Variants in ANO1 observed in about 807,000 individuals in gnomAD.
The protein encoded by ANO1 is anoctamin 1.
A neutral mutation model predicts 124.0 loss-of-function variants in ANO1; 59 were observed. The ratio of observed to expected loss-of-function variants is 0.48; its 90% CI spans 0.39 to 0.59. The LOEUF (loss-of-function observed/expected upper bound fraction) is 0.59. Ranked by LOEUF, ANO1 falls within the 20% of genes least tolerant of loss-of-function variation. The probability of loss-of-function intolerance (pLI) is 0.00; values close to 1 mark genes in which losing one functional copy is unlikely to be tolerated. For synonymous variants in ANO1, 529 were observed against 532.0 expected (o/e 0.99, Z 0.08); for missense variants, 1,059 against 1,328.0 (o/e 0.80, Z 3.15).
chr11:69,991,097 T>G (rs1856145792), intron 1 of ANO1, among the ~76,000 whole-genome samples: 1 of 152,210 alleles, frequency 6.6e-6, no homozygotes, highest in Non-Finnish European at 1.5e-5. Context: ...ATGCTTTTAG[T>G]TTTTATATTT....
intron 2 of ANO1, among the ~76,000 whole-genome samples, chr11:70,098,812 G>A (rs1485910594): frequency 6.6e-6 from 1 of 152,180 alleles, no homozygotes; most frequent in Non-Finnish European, 1.5e-5. Flanking sequence ...GGGGGCTGTA[G>A]CGGGGACCCT....
chr11:70,027,074 A>C (rs60734644), intron 1 of ANO1, among the ~76,000 whole-genome samples: 50,455 of 151,820 alleles, frequency 0.33, 8,888 homozygotes, highest in Admixed American at 0.4. Flanking sequence ...ACAGCAACAC[A>C]CTCCACTGGA....
At chr11:70,108,437 T>C in intron 6 of ANO1, 33 bp downstream of exon 6, 1 of 1,605,694 alleles carries the variant, frequency 6.2e-7, no homozygotes, top group Non-Finnish European at 8.5e-7. Flanking sequence ...AGATCAGCAT[T>C]GGTTTCCAAG....
At chr11:70,110,755 G>A (rs2045744616) in intron 6 of ANO1, among the ~76,000 whole-genome samples, 1 of 152,182 alleles carries the variant, frequency 6.6e-6, no homozygotes, top group African/African-American at 2.4e-5. Context: ...GGGGTTCCAT[G>A]AGCAGCAAAG....
At chr11:70,084,113 A>T (rs1014623946) in intron 1 of ANO1, among the ~76,000 whole-genome samples, 1 of 151,878 alleles carries the variant, frequency 6.6e-6, no homozygotes, top group Non-Finnish European at 1.5e-5. Flanking sequence ...TGGGGAGGAG[A>T]TGAGGAGGAA....
intron 25 of ANO1, among the ~76,000 whole-genome samples, chr11:70,187,455 A>G (rs1465453349): frequency 3.9e-5 from 6 of 152,192 alleles, no homozygotes. Flanking sequence ...GTGATCCATC[A>G]GGTCACTTCC....
At chr11:70,036,676 C>T (rs1265865325) in intron 1 of ANO1, among the ~76,000 whole-genome samples, 7 of 152,158 alleles carry the variant, frequency 4.6e-5, no homozygotes, top group African/African-American at 1.7e-4. Context: ...AGCACGATCT[C>T]GGCTCACTGC....
chr11:70,123,275 A>G (rs1443571026), intron 8 of ANO1, among the ~76,000 whole-genome samples: 3 of 152,120 alleles, frequency 2.0e-5, no homozygotes, highest in Non-Finnish European at 4.4e-5. Context: ...CGGCCCCTCT[A>G]TGGATCTCAG....
intron 1 of ANO1, among the ~76,000 whole-genome samples, chr11:70,057,920 G>A (rs1227119552): frequency 1.3e-5 from 2 of 152,202 alleles, no homozygotes; most frequent in African/African-American, 2.4e-5. Flanking sequence ...GTGGAGAAGT[G>A]TTGGGGCAGC....
At chr11:70,136,968 C>T (rs1452017093) in intron 11 of ANO1, among the ~76,000 whole-genome samples, 2 of 146,936 alleles carry the variant, frequency 1.4e-5, no homozygotes, top group African/African-American at 4.9e-5. Flanking sequence ...AGGGGGTGAG[C>T]GCCCCGTGCT....
intron 1 of ANO1, among the ~76,000 whole-genome samples, chr11:70,003,409 C>CA (rs1454110254): frequency 6.6e-6 from 1 of 152,222 alleles, no homozygotes; most frequent in Non-Finnish European, 1.5e-5. Context: ...AGCATGTCGT[C>CA]ACCAATTCTC....
intron 1 of ANO1, among the ~76,000 whole-genome samples, chr11:69,992,270 T>G (rs987453127): frequency 2.8e-4 from 43 of 152,124 alleles, no homozygotes; most frequent in African/African-American, 1.0e-3. Flanking sequence ...GATAAATGGA[T>G]GGATGGACAG....
intron 11 of ANO1, among the ~76,000 whole-genome samples, chr11:70,144,686 A>G (rs111693205): frequency 0.064 from 9,743 of 151,918 alleles, 1,042 homozygotes; most frequent in African/African-American, 0.22. Context: ...TGACTCCTGG[A>G]CTCCAGATTT....
chr11:70,164,207 G>C (rs750718624), intron 19 of ANO1, among the ~76,000 whole-genome samples: 11 of 152,152 alleles, frequency 7.2e-5, no homozygotes, highest in African/African-American at 2.7e-4. Flanking sequence ...CAGTGGTTCT[G>C]GTCTCAGCAT....
At chr11:70,061,506 C>T (rs1456653650) in intron 1 of ANO1, among the ~76,000 whole-genome samples, 3 of 145,868 alleles carry the variant, frequency 2.1e-5, no homozygotes, top group Non-Finnish European at 4.5e-5. Flanking sequence ...TTCTCTCTCT[C>T]TCCCCTCCTC....
At chr11:70,048,205 C>T (rs1174682090) in intron 1 of ANO1, among the ~76,000 whole-genome samples, 1 of 152,152 alleles carries the variant, frequency 6.6e-6, no homozygotes, top group Admixed American at 6.5e-5. Flanking sequence ...TTTAGATAAA[C>T]ATTTACCCAA....
intron 1 of ANO1, among the ~76,000 whole-genome samples, chr11:70,026,193 T>C (rs1856903827): frequency 6.6e-6 from 1 of 150,728 alleles, no homozygotes; most frequent in African/African-American, 2.4e-5. Flanking sequence ...ATGATGATGA[T>C]GGTGGTGGTG....
At chr11:69,985,364 G>T (rs1483350896), upstream of ANO1, among the ~76,000 whole-genome samples, 3 of 151,618 alleles carry the variant, frequency 2.0e-5, no homozygotes, top group Non-Finnish European at 4.4e-5. Context: ...GGGCAGAGGC[G>T]AATTTCTGGA....
At chr11:69,977,350 GA>G in the ANO1 span, among the ~76,000 whole-genome samples, 1 of 152,232 alleles carries the variant, frequency 6.6e-6, no homozygotes, top group East Asian at 1.9e-4. Flanking sequence ...TCTAAACCAT[GA>G]AACGTGGTCA....
Sources: allele counts gnomAD v4.1 joint callset (sites outside exome capture counted in the v4.1 genomes callset), GRCh38; gene constraint gnomAD v4.1.1; transcripts MANE v1.5; gene names NCBI Gene and HGNC (gene_info 2026-07-23, HGNC 2026-07-21).